RANBP2: variants seen among roughly 807,000 people sequenced by gnomAD.
The protein encoded by RANBP2 is RAN binding protein 2.
A neutral mutation model predicts 303.6 loss-of-function variants in RANBP2; 57 were observed. That is an observed-to-expected ratio of 0.19 (90% CI 0.15 to 0.23). RANBP2 has a LOEUF of 0.23. Ranked by LOEUF, RANBP2 falls within the 10% of genes least tolerant of loss-of-function variation. The probability of loss-of-function intolerance (pLI) is 1.00; values close to 1 mark genes in which losing one functional copy is unlikely to be tolerated. For synonymous variants in RANBP2, 1,167 were observed against 1,301.5 expected (o/e 0.90, Z 2.23); for missense variants, 3,138 against 3,780.8 (o/e 0.83, Z 4.46).
chr2:108,766,816 A>G lies in RANBP2; in HGVS notation c.6277A>G (p.Met2093Val). The G allele has an allele frequency of 6.2e-7, 1 of 1,611,994 alleles. No homozygotes were observed. The highest frequency in any genetic ancestry group is 8.5e-7 in the Non-Finnish European group (1 of 1,179,864). ...VCANHWITTTMNLKPLSGSDR... is the reference protein window; with the variant it reads ...VCANHWITTTVNLKPLSGSDR... Reference sequence around the variant, plus strand: ...TGCTAATCATTGGATAACGACTACGATGAACCTGAAGCCTCTCTCTGGATC... The same window carrying G: ...TGCTAATCATTGGATAACGACTACGGTGAACCTGAAGCCTCTCTCTGGATC... The change falls in exon 20 of 29, where the codon ATG becomes GTG. Residue 2093 changes from methionine to valine, a missense_variant. Coordinates refer to ENST00000283195, the MANE Select transcript of RANBP2 (RefSeq NM_006267.5).
At chr2:109,190,297 C>T in the RANBP2 span, among the ~76,000 whole-genome samples, 1 of 152,212 alleles carries the variant, frequency 6.6e-6, no homozygotes, top group Admixed American at 6.5e-5. Flanking sequence ...CCTCAACCTC[C>T]TGAGTAGCTG....
At chr2:109,540,666 A>G in the RANBP2 span, among the ~76,000 whole-genome samples, 27 of 151,882 alleles carry the variant, frequency 1.8e-4, no homozygotes, top group African/African-American at 6.5e-4. Flanking sequence ...AAAAAGGAAA[A>G]AAAAAAAAAA....
chr2:109,249,506 TTTCA>T, the RANBP2 span, among the ~76,000 whole-genome samples: 10,491 of 69,364 alleles, frequency 0.15, 849 homozygotes, highest in African/African-American at 0.19. Context: ...TCTTTCTTTC[TTTCA>T]TTCTTTCTTT....
chr2:109,155,049 GC>G, the RANBP2 span, among the ~76,000 whole-genome samples: 1 of 152,148 alleles, frequency 6.6e-6, no homozygotes, highest in African/African-American at 2.4e-5. Context: ...GTTCTGGTGT[GC>G]TCATGGAAGC....
At chr2:109,565,992 A>G in the RANBP2 span, 1 of 779,568 alleles carries the variant, frequency 1.3e-6, no homozygotes, top group Non-Finnish European at 2.1e-6. Flanking sequence ...TATGCCTCAG[A>G]TTTTAAAACC....
At chr2:109,413,196 C>G in the RANBP2 span, among the ~76,000 whole-genome samples, 1 of 152,234 alleles carries the variant, frequency 6.6e-6, no homozygotes, top group African/African-American at 2.4e-5. Flanking sequence ...CTCACTGCAA[C>G]CTCCGCCTCA....
At chr2:109,570,107 TAAAAC>T in the RANBP2 span, among the ~76,000 whole-genome samples, 1 of 152,178 alleles carries the variant, frequency 6.6e-6, no homozygotes, top group Admixed American at 6.5e-5. Context: ...CTTTTAAACT[TAAAAC>T]AAAGCTTAGG....
Position 108,784,972 on chromosome 2 carries a change from A to G in RANBP2, c.*1071A>G, listed in dbSNP as rs1346627384. On this transcript the variant is annotated 3_prime_UTR_variant, in exon 29 of 29. Coordinates refer to ENST00000283195, the MANE Select transcript of RANBP2 (RefSeq NM_006267.5). ...TGTATCAAATGTTAGGCAAATTGCT[A>G]AAGAAAAGAGGATGTTCTTATTGGC... The G allele has an allele frequency of 6.6e-6, 1 of 152,210 alleles. No homozygotes were observed. Among genetic ancestry groups the G allele is most frequent in the African/African-American group, 2.4e-5 (1 of 41,448 alleles). 9.4% of individuals were successfully genotyped at this position (152,210 alleles called of 1,614,324 possible).
intron 25 of RANBP2, among the ~76,000 whole-genome samples, chr2:108,778,299 A>G (rs1558938745): frequency 6.6e-6 from 1 of 152,200 alleles, no homozygotes; most frequent in Non-Finnish European, 1.5e-5. Context: ...ACCACTTGTC[A>G]TTTTTATTCA....
the RANBP2 span, chr2:108,930,848 C>G: frequency 8.7e-7 from 1 of 1,151,356 alleles, no homozygotes; most frequent in Non-Finnish European, 1.3e-6. Flanking sequence ...TCAGAAGAAC[C>G]CTGTGGAGGA....
intron 2 of RANBP2, among the ~76,000 whole-genome samples, 153 bp downstream of exon 2, chr2:108,729,352 C>T (rs1341410871): frequency 1.3e-5 from 2 of 152,018 alleles, no homozygotes; most frequent in East Asian, 3.8e-4. Context: ...TAAGGACCAG[C>T]CTAGATTCCA....
the RANBP2 span, among the ~76,000 whole-genome samples, chr2:109,296,866 G>T: frequency 3.9e-4 from 60 of 152,310 alleles, 1 homozygote; most frequent in South Asian, 0.012. Context: ...TGACAGCACT[G>T]CTATAGCATT....
At chr2:108,991,809 C>T in the RANBP2 span, among the ~76,000 whole-genome samples, 1 of 152,102 alleles carries the variant, frequency 6.6e-6, no homozygotes, top group Non-Finnish European at 1.5e-5. Flanking sequence ...AAATTTGTGT[C>T]TTTTATTTTT....
the RANBP2 span, among the ~76,000 whole-genome samples, chr2:109,563,212 A>G: frequency 6.6e-6 from 1 of 152,208 alleles, no homozygotes; most frequent in Admixed American, 6.5e-5. Context: ...ACACCCGGCC[A>G]TAAGTATATA....
At chr2:109,464,547 A>G in the RANBP2 span, among the ~76,000 whole-genome samples, 2 of 152,350 alleles carry the variant, frequency 1.3e-5, no homozygotes, top group East Asian at 3.9e-4. Context: ...CACATCCTGC[A>G]GAGTTGATCC....
At chr2:108,903,190 C>T in the RANBP2 span, among the ~76,000 whole-genome samples, 1 of 152,036 alleles carries the variant, frequency 6.6e-6, no homozygotes, top group East Asian at 1.9e-4. Flanking sequence ...AAAATATGCA[C>T]AGAACTTGTA....
the RANBP2 span, chr2:109,605,441 C>T: frequency 6.6e-6 from 1 of 152,026 alleles, no homozygotes; most frequent in Admixed American, 6.6e-5. Flanking sequence ...CTGCACTCTA[C>T]TCTGAGCGAC....
At chr2:109,460,014 A>C in the RANBP2 span, among the ~76,000 whole-genome samples, 6 of 152,190 alleles carry the variant, frequency 3.9e-5, no homozygotes, top group African/African-American at 1.4e-4. Context: ...TGGTGCTGTA[A>C]CTGAGTCTTC....
chr2:108,864,597 A>C, the RANBP2 span, among the ~76,000 whole-genome samples: 1 of 152,132 alleles, frequency 6.6e-6, no homozygotes, highest in African/African-American at 2.4e-5. Flanking sequence ...GGAGATCGAG[A>C]GCAGCCTGGC....
Sources: allele counts gnomAD v4.1 joint callset (sites outside exome capture counted in the v4.1 genomes callset), GRCh38; gene constraint gnomAD v4.1.1; transcripts MANE v1.5; gene names NCBI Gene and HGNC (gene_info 2026-07-23, HGNC 2026-07-21).